The following DNAAF4 variants were observed in gnomAD, a reference collection of about 807,000 sequenced individuals.
The protein encoded by DNAAF4 is dynein axonemal assembly factor 4.
A neutral mutation model predicts 51.8 loss-of-function variants in DNAAF4; 43 were observed. That is an observed-to-expected ratio of 0.83 (90% CI 0.65 to 1.07). DNAAF4 has a LOEUF of 1.07. DNAAF4 is among the 50% of genes least tolerant of loss of function. The pLI, the probability that DNAAF4 is intolerant of heterozygous loss-of-function variation, is 0.00. For missense variants in DNAAF4, 581 were observed against 493.0 expected, an observed-to-expected ratio of 1.18 and a Z score of -1.69; for synonymous variants, 194 against 165.6, an observed-to-expected ratio of 1.17 and a Z score of -1.32.
intron 1 of DNAAF4, among the ~76,000 whole-genome samples, chr15:55,507,154 A>G (rs1211239899): frequency 6.6e-6 from 1 of 152,136 alleles, no homozygotes; most frequent in African/African-American, 2.4e-5. Flanking sequence ...CCTGGCCTTT[A>G]TAAAACTTTT....
intron 4 of DNAAF4, among the ~76,000 whole-genome samples, chr15:55,478,748 G>A (rs2058369101): frequency 6.6e-6 from 1 of 152,144 alleles, no homozygotes; most frequent in South Asian, 2.1e-4. Context: ...AAGACAAGCA[G>A]TAAACCTTCT....
chr15:55,461,607 C>G (rs1450629861), intron 5 of DNAAF4, among the ~76,000 whole-genome samples: 4 of 152,054 alleles, frequency 2.6e-5, no homozygotes, highest in Non-Finnish European at 5.9e-5. Flanking sequence ...AGTGACACAA[C>G]CAGTCAAAAC....
intron 4 of DNAAF4, among the ~76,000 whole-genome samples, chr15:55,468,703 G>A (rs1269606906): frequency 2.0e-5 from 3 of 152,126 alleles, no homozygotes; most frequent in Non-Finnish European, 4.4e-5. Flanking sequence ...CCTGCAAGAA[G>A]AATGAATTTT....
At chr15:55,449,681 A>G (rs1346296162) in intron 6 of DNAAF4, among the ~76,000 whole-genome samples, 1 of 142,426 alleles carries the variant, frequency 7.0e-6, no homozygotes, top group Non-Finnish European at 1.5e-5. Context: ...ACAAACAACA[A>G]CAACAAAAAG....
intron 4 of DNAAF4, among the ~76,000 whole-genome samples, chr15:55,473,157 G>A (rs1443426110): frequency 7.8e-6 from 1 of 127,992 alleles, no homozygotes; most frequent in Non-Finnish European, 1.6e-5. Context: ...CAGAGTGAGA[G>A]GCCACCTCAA....
At chr15:55,429,409 C>T (rs2057464403), downstream of DNAAF4, among the ~76,000 whole-genome samples, 1 of 150,152 alleles carries the variant, frequency 6.7e-6, no homozygotes. Context: ...CTCAGCTACT[C>T]AGGAGGCCTG....
At chr15:55,424,725 G>T (rs1033013942) in intron 7 of DNAAF4, among the ~76,000 whole-genome samples, 10 of 152,054 alleles carry the variant, frequency 6.6e-5, no homozygotes, top group African/African-American at 2.4e-4. Context: ...ACCATGCCCA[G>T]CTAAGTTTTG....
chr15:55,448,519 G>GGTGTGTGTGT lies in DNAAF4; in HGVS notation c.783+1693_783+1702dup, dbSNP rs111911388. ...CCAACTCAAAAAAAAAAAAAAAAAG[G>GGTGTGTGTGT]GTGTGTGTGTGTGTGTGTGTGTGTG... is the stretch of plus-strand genomic sequence containing the variant. On this transcript the variant is annotated intron_variant, in intron 6 of 9. Coordinates refer to ENST00000321149, the MANE Select transcript of DNAAF4 (RefSeq NM_130810.4). 1.4e-3 allele frequency among the ~76,000 whole-genome samples: 144 copies of GGTGTGTGTGT among 99,902 alleles called. No homozygotes were observed. The Middle Eastern group carries it at 0.021, about 14-fold the overall frequency. The allele number at this position is 99,902 out of a possible 152,430, so 65.5% of individuals were successfully genotyped here.
At chr15:55,507,451 C>T (rs1431275036) in intron 1 of DNAAF4, among the ~76,000 whole-genome samples, 1 of 152,102 alleles carries the variant, frequency 6.6e-6, no homozygotes. Flanking sequence ...TTATTGAATA[C>T]TGTATTAAAA....
intron 1 of DNAAF4, among the ~76,000 whole-genome samples, chr15:55,505,369 A>G (rs2058721458): frequency 6.6e-6 from 1 of 152,192 alleles, no homozygotes; most frequent in Admixed American, 6.5e-5. Context: ...AAGATTCCTG[A>G]AGGATCTAGA....
At chr15:55,455,721 C>T (rs146105599) in intron 5 of DNAAF4, among the ~76,000 whole-genome samples, 1 of 152,154 alleles carries the variant, frequency 6.6e-6, no homozygotes, top group East Asian at 1.9e-4. Flanking sequence ...CGTTAGCCAC[C>T]ATGCCCAGGC....
Position 55,438,515 on chromosome 15 carries a change from C to A in DNAAF4, c.893+957G>T, listed in dbSNP as rs915061048. On this transcript the variant is annotated intron_variant, in intron 7 of 9. Transcript: ENST00000321149. ...GATTTGAATAGGTCCCACACCAGGG[C>A]TCATGCCTGTAATCCCAGCACTTTG... Among the ~76,000 whole-genome samples, 5 of 152,186 alleles carry A rather than the reference C, an allele frequency of 3.3e-5. No homozygotes were observed. The East Asian group carries it at 9.7e-4, about 29-fold the overall frequency.
chr15:55,458,285 TAA>T (rs1265981324), intron 5 of DNAAF4, among the ~76,000 whole-genome samples: 1 of 151,756 alleles, frequency 6.6e-6, no homozygotes, highest in Admixed American at 6.6e-5. Context: ...AAGAAATTTT[TAA>T]AAAAAGGAGG....
chr15:55,505,013 A>G (rs1405351867), intron 1 of DNAAF4, among the ~76,000 whole-genome samples: 3 of 152,200 alleles, frequency 2.0e-5, no homozygotes, highest in Non-Finnish European at 4.4e-5. Flanking sequence ...AATTTTTGCA[A>G]TCTATCCATC....
At chr15:55,465,393 T>TACAC (rs61176405) in intron 5 of DNAAF4, among the ~76,000 whole-genome samples, 7,020 of 149,688 alleles carry the variant, frequency 0.047, 216 homozygotes, top group East Asian at 0.14. Flanking sequence ...GGTGTATATA[T>TACAC]ACACACACAC....
At chr15:55,482,719 A>C (rs1418570204) in intron 4 of DNAAF4, among the ~76,000 whole-genome samples, 2 of 152,092 alleles carry the variant, frequency 1.3e-5, no homozygotes, top group African/African-American at 4.8e-5. Flanking sequence ...ATACTTAAAT[A>C]CTAGAAGTAC....
Position 55,498,597 on chromosome 15 carries a change from A to AAAAAAAAAAAAAAAAAG in DNAAF4, c.-255-30_-255-14dup. 1.1e-5 allele frequency: 3 copies of AAAAAAAAAAAAAAAAAG among 271,572 alleles called. No homozygotes were observed. The highest frequency in any genetic ancestry group is 1.1e-4 in the Admixed American group (2 of 18,124). 16.8% of individuals were successfully genotyped at this position (271,572 alleles called of 1,614,324 possible). On this transcript the variant is annotated splice_polypyrimidine_tract_variant and intron_variant, in intron 1 of 9. Transcript: ENST00000321149. ...AGACCCATACCCTCTGCTTGAGAAAAAAAAAAAAAAAAAAAAGCACTCTGT... is the reference window on the plus strand; with the variant it reads ...AGACCCATACCCTCTGCTTGAGAAAAAAAAAAAAAAAAAAAAGAAAAAAAAAAAAAAAAGCACTCTGT...
intron 4 of DNAAF4, among the ~76,000 whole-genome samples, chr15:55,479,183 A>T (rs1032888049): frequency 4.6e-5 from 7 of 151,436 alleles, no homozygotes; most frequent in African/African-American, 1.7e-4. Context: ...GCTGGTAGAC[A>T]CTAAGCATAA....
intron 7 of DNAAF4, among the ~76,000 whole-genome samples, chr15:55,419,118 C>T (rs1009475459): frequency 6.6e-6 from 1 of 152,022 alleles, no homozygotes; most frequent in Non-Finnish European, 1.5e-5. Context: ...GGGTTTCACC[C>T]TGTTAGCTAG....
Sources: allele counts gnomAD v4.1 joint callset (sites outside exome capture counted in the v4.1 genomes callset), GRCh38; gene constraint gnomAD v4.1.1; transcripts MANE v1.5; gene names NCBI Gene and HGNC (gene_info 2026-07-23, HGNC 2026-07-21).